The following DAB1 variants were observed in gnomAD, a reference collection of about 807,000 sequenced individuals.
DAB1 encodes DAB adaptor protein 1.
DAB1 carries 15 observed loss-of-function variants against 64.6 expected under a neutral mutation model. The observed-to-expected ratio is 0.23, with a 90% CI of 0.16 to 0.36. DAB1 has a LOEUF of 0.36. DAB1 is among the 10% of genes least tolerant of loss of function. The pLI, the probability that DAB1 is intolerant of heterozygous loss-of-function variation, is 1.00. For missense variants in DAB1, 596 were observed against 706.7 expected (o/e 0.84, Z 1.78); for synonymous variants, 235 against 251.9 (o/e 0.93, Z 0.64).
chr1:58,067,709 C>G (rs1648941070), intron 5 of DAB1, among the ~76,000 whole-genome samples: 1 of 152,154 alleles, frequency 6.6e-6, no homozygotes, highest in Admixed American at 6.5e-5. Flanking sequence ...AATTCTGTAG[C>G]CAACACTCTA....
intron 2 of DAB1, among the ~76,000 whole-genome samples, chr1:58,523,309 C>T (rs1158153544): frequency 6.6e-6 from 1 of 152,208 alleles, no homozygotes; most frequent in Non-Finnish European, 1.5e-5. Flanking sequence ...TTTGCTTCAT[C>T]AACAATTTAT....
intron 6 of DAB1, among the ~76,000 whole-genome samples, chr1:57,656,201 A>C (rs1460026136): frequency 6.6e-6 from 1 of 152,140 alleles, no homozygotes; most frequent in Non-Finnish European, 1.5e-5. Context: ...CTGGTCTCAG[A>C]CTTCCAGCCT....
intron 5 of DAB1, among the ~76,000 whole-genome samples, chr1:58,005,341 A>T (rs1420757041): frequency 6.6e-6 from 1 of 152,176 alleles, no homozygotes; most frequent in Non-Finnish European, 1.5e-5. Context: ...TATCTAGGCC[A>T]GAATTTGAGA....
At chr1:57,271,961 G>C (rs1671044891) in intron 2 of DAB1, among the ~76,000 whole-genome samples, 1 of 152,202 alleles carries the variant, frequency 6.6e-6, no homozygotes. Flanking sequence ...GTGCAGATGG[G>C]ATCTTGGATG....
At chr1:57,080,224 C>G (rs1355710609) in intron 4 of DAB1, among the ~76,000 whole-genome samples, 4 of 152,146 alleles carry the variant, frequency 2.6e-5, no homozygotes, top group Admixed American at 2.0e-4. Context: ...ACTTCCCATT[C>G]CCTACTCCTC....
At chr1:58,154,428 A>G (rs1655109514) in intron 4 of DAB1, among the ~76,000 whole-genome samples, 1 of 151,802 alleles carries the variant, frequency 6.6e-6, no homozygotes, top group Non-Finnish European at 1.5e-5. Flanking sequence ...CTTGAAACAG[A>G]CAGGAGTCCT....
chr1:57,671,001 C>T (rs1646504071), intron 6 of DAB1, among the ~76,000 whole-genome samples: 1 of 152,148 alleles, frequency 6.6e-6, no homozygotes, highest in Non-Finnish European at 1.5e-5. Context: ...ATACCTAATA[C>T]AATGCCTACA....
At chr1:57,071,000 C>T in intron 7 of DAB1, 23 bp downstream of exon 7, 2 of 1,604,732 alleles carry the variant, frequency 1.2e-6, no homozygotes, top group East Asian at 2.2e-5. Context: ...GAATCTAAAA[C>T]CCCGACTAGT....
intron 1 of DAB1, among the ~76,000 whole-genome samples, chr1:57,391,770 C>CACACAA (rs1381568806): frequency 9.2e-5 from 5 of 54,622 alleles, no homozygotes; most frequent in African/African-American, 6.7e-4. Flanking sequence ...GGAATAAACA[C>CACACAA]ACACACACAC....
chr1:58,497,769 C>T (rs747026747), intron 3 of DAB1, among the ~76,000 whole-genome samples: 49 of 152,162 alleles, frequency 3.2e-4, no homozygotes, highest in Non-Finnish European at 5.4e-4. Flanking sequence ...ACATAACAAA[C>T]CTTACCCTTG....
chr1:57,058,590 T>A (rs1026455871), intron 9 of DAB1, among the ~76,000 whole-genome samples: 1 of 152,180 alleles, frequency 6.6e-6, no homozygotes, highest in Non-Finnish European at 1.5e-5. Flanking sequence ...GGTGAGTAGT[T>A]CAGTGCAACA....
intron 7 of DAB1, among the ~76,000 whole-genome samples, chr1:57,454,202 C>T (rs1412656780): frequency 6.6e-6 from 1 of 151,646 alleles, no homozygotes; most frequent in Admixed American, 6.6e-5. Context: ...CCATTCTCAA[C>T]CATCTTGAAA....
intron 2 of DAB1, among the ~76,000 whole-genome samples, chr1:57,168,968 A>G (rs968539889): frequency 2.0e-5 from 3 of 152,148 alleles, no homozygotes; most frequent in Admixed American, 6.5e-5. Flanking sequence ...AGGCAGGAGG[A>G]TCACTTAGGT....
chr1:58,532,902 C>T (rs935015265), intron 1 of DAB1, among the ~76,000 whole-genome samples: 8 of 152,106 alleles, frequency 5.3e-5, no homozygotes, highest in African/African-American at 1.9e-4. Context: ...TTCAGAAAAA[C>T]AATTTAGCCC....
chr1:58,419,290 T>C (rs1644750483), intron 3 of DAB1, among the ~76,000 whole-genome samples: 1 of 152,230 alleles, frequency 6.6e-6, no homozygotes, highest in Non-Finnish European at 1.5e-5. Flanking sequence ...TCTAAGCCTC[T>C]CTTACCTTCC....
At chr1:57,902,169 A>AG (rs1304744286) in intron 5 of DAB1, among the ~76,000 whole-genome samples, 8 of 151,774 alleles carry the variant, frequency 5.3e-5, no homozygotes, top group East Asian at 1.9e-4. Flanking sequence ...AAAAAAAAAA[A>AG]AAAGAAAGAA....
chr1:57,795,065 C>T (rs963820611), intron 6 of DAB1, among the ~76,000 whole-genome samples: 4 of 152,190 alleles, frequency 2.6e-5, no homozygotes, highest in South Asian at 2.1e-4. Context: ...TGTCATAGCC[C>T]GAACTCTCTC....
intron 4 of DAB1, among the ~76,000 whole-genome samples, chr1:58,157,390 T>C (rs1224967984): frequency 6.6e-6 from 1 of 152,166 alleles, no homozygotes; most frequent in Non-Finnish European, 1.5e-5. Context: ...TATAATTTTG[T>C]GTACATTGTG....
intron 6 of DAB1, among the ~76,000 whole-genome samples, chr1:57,670,628 G>T (rs952930828): frequency 1.3e-5 from 2 of 152,026 alleles, no homozygotes; most frequent in Non-Finnish European, 2.9e-5. Context: ...ATGAAGAAAA[G>T]GTAGAACAAC....
Sources: allele counts gnomAD v4.1 joint callset (sites outside exome capture counted in the v4.1 genomes callset), GRCh38; gene constraint gnomAD v4.1.1; transcripts MANE v1.5; gene names NCBI Gene and HGNC (gene_info 2026-07-23, HGNC 2026-07-21).